TRAK2: variants seen among roughly 807,000 people sequenced by gnomAD.
TRAK2 encodes trafficking kinesin protein 2, also known as trafficking kinesin-binding protein 2.
Under a neutral mutation model 104.6 loss-of-function variants are expected in TRAK2, and 81 were observed. That is an observed-to-expected ratio of 0.77 (90% CI 0.65 to 0.93). The LOEUF (loss-of-function observed/expected upper bound fraction) is 0.93, where lower values mean the gene tolerates loss of function less well. Ranked by LOEUF, TRAK2 falls within the 40% of genes least tolerant of loss-of-function variation. TRAK2 has a pLI of 0.00. For missense variants in TRAK2, 1,002 were observed against 1,089.0 expected, an observed-to-expected ratio of 0.92 and a Z score of 1.12; for synonymous variants, 406 against 394.4, an observed-to-expected ratio of 1.03 and a Z score of -0.35.
intron 1 of TRAK2, among the ~76,000 whole-genome samples, chr2:201,446,376 C>T (rs1364807093): frequency 6.6e-6 from 1 of 152,202 alleles, no homozygotes; most frequent in Admixed American, 6.5e-5. Flanking sequence ...CAGCTCAATG[C>T]CACTTTTCCC....
rs1015386465 is a variant in TRAK2, at chr2:201,378,732, G to C, written c.*1811C>G. The C allele has an allele frequency of 1.3e-5, 2 of 152,170 alleles. No individual in the cohort carries two copies. Among genetic ancestry groups the C allele is most frequent in the East Asian group, 3.8e-4 (2 of 5,198 alleles). 9.4% of individuals were successfully genotyped at this position (152,170 alleles called of 1,614,324 possible). A position where few individuals can be genotyped will look rare whatever the true frequency, so the allele number is the denominator to read the frequency against. On this transcript the variant is annotated 3_prime_UTR_variant, in exon 16 of 16. Coordinates refer to ENST00000332624, the MANE Select transcript of TRAK2 (RefSeq NM_015049.3). ...GACCTCAGCACAACTGAGTGAAGGGGAACGAAAGGGAGAGACCATCTTCAC... is the reference window on the plus strand; with the variant it reads ...GACCTCAGCACAACTGAGTGAAGGGCAACGAAAGGGAGAGACCATCTTCAC...
At chr2:201,427,096 A>T (rs1013048448) in intron 1 of TRAK2, among the ~76,000 whole-genome samples, 1 of 152,202 alleles carries the variant, frequency 6.6e-6, no homozygotes, top group African/African-American at 2.4e-5. Flanking sequence ...TTGGTACCCA[A>T]CATACAGTAG....
intron 12 of TRAK2, 26 bp from the exon 13 acceptor site, chr2:201,388,027 T>C (rs757058308): frequency 3.1e-6 from 5 of 1,612,556 alleles, no homozygotes; most frequent in Middle Eastern, 1.7e-4. Context: ...GTTCACTGAT[T>C]AGATCTTGAG....
chr2:201,390,507 T>C (rs1024647464), intron 10 of TRAK2, among the ~76,000 whole-genome samples: 1 of 140,230 alleles, frequency 7.1e-6, no homozygotes, highest in Non-Finnish European at 1.5e-5. Context: ...GAGCTTTCAG[T>C]GAGCTGAGAT....
In TRAK2 at chr2:201,381,184, C is replaced by T. The variant is rs558396968; in HGVS notation, c.2104G>A (p.Gly702Ser). Residue 702 changes from glycine (G) to serine (S), a missense_variant, in exon 16 of 16, where the codon GGT (glycine) becomes AGT (serine). Coordinates refer to ENST00000332624, the MANE Select transcript of TRAK2 (RefSeq NM_015049.3). ...ACAGCCGTGTTGGATGAACTGCTAC[C>T]GCTACTTCCACAGGATAATGAAGGG... ...GFPSLSCGSS[G>S]SSSSNTAVNS... 76 of 1,612,140 alleles carry T rather than the reference C, an allele frequency of 4.7e-5. No homozygotes were observed. The East Asian group carries it at 1.0e-3, about 22-fold the overall frequency.
intron 2 of TRAK2, chr2:201,412,158 C>T: frequency 1.0e-5 from 10 of 978,274 alleles, no homozygotes; most frequent in South Asian, 6.4e-5. Flanking sequence ...CTGGGCAAAA[C>T]AAAAGGTACC....
intron 1 of TRAK2, among the ~76,000 whole-genome samples, chr2:201,438,954 G>A (rs569168964): frequency 2.0e-5 from 3 of 152,276 alleles, no homozygotes; most frequent in Admixed American, 6.5e-5. Flanking sequence ...TAATACAGAT[G>A]TATTACCATA....
chr2:201,399,573 G>A, intron 4 of TRAK2, 80 bp from the exon 5 acceptor site: 2 of 1,048,320 alleles, frequency 1.9e-6, no homozygotes, highest in South Asian at 1.4e-5. Flanking sequence ...GGTCAGTTTT[G>A]GTAAAATCAA....
chr2:201,383,613 C>G (rs1951362170), intron 15 of TRAK2, among the ~76,000 whole-genome samples: 1 of 152,156 alleles, frequency 6.6e-6, no homozygotes, highest in Non-Finnish European at 1.5e-5. Context: ...CTGCCCTATG[C>G]CTTTCTTCCT....
intron 2 of TRAK2, chr2:201,411,486 A>T: frequency 1.3e-6 from 1 of 744,554 alleles, no homozygotes; most frequent in South Asian, 1.3e-5. Flanking sequence ...TTGTTCTTGC[A>T]TTATATGAAG....
rs371799462 is a variant in TRAK2 at position 201,411,876 on chromosome 2, A to G, written c.92-4279T>C. 2.5e-5 allele frequency: 25 copies of G among 998,162 alleles called. 1 individual carries two copies. In the African/African-American group the frequency reaches 3.5e-4, roughly 14 times the overall value. The allele number at this position is 998,162 out of a possible 1,614,324, so 61.8% of individuals were successfully genotyped here. A position where few individuals can be genotyped will look rare whatever the true frequency, so the allele number is the denominator to read the frequency against. ...TCTTGGTATCAAAGTATGTTTCATG[A>G]TGGGTAGTCTATAAGATTTGCAAAG... On this transcript the variant is annotated intron_variant, in intron 2 of 15. Transcript: ENST00000332624.
At chr2:201,383,891 T>G (rs533083344) in intron 15 of TRAK2, among the ~76,000 whole-genome samples, 1 of 152,158 alleles carries the variant, frequency 6.6e-6, no homozygotes, top group African/African-American at 2.4e-5. Flanking sequence ...ACCTCAACCT[T>G]CCATGCCTCA....
chr2:201,428,478 T>C (rs1474951918), intron 1 of TRAK2, among the ~76,000 whole-genome samples: 1 of 152,222 alleles, frequency 6.6e-6, no homozygotes, highest in Non-Finnish European at 1.5e-5. Context: ...CAGATGGTTG[T>C]AGATGTGTGG....
intron 1 of TRAK2, among the ~76,000 whole-genome samples, chr2:201,436,333 T>C (rs1951879734): frequency 6.6e-6 from 1 of 152,182 alleles, no homozygotes; most frequent in Non-Finnish European, 1.5e-5. Flanking sequence ...AAATAAATCC[T>C]TCCTGAACAA....
chr2:201,380,798 C>T lies in TRAK2; in HGVS notation c.2490G>A (p.Leu830=). 6.2e-7 allele frequency: 1 copy of T among 1,614,158 alleles called. No individual in the cohort carries two copies. Among genetic ancestry groups the T allele is most frequent in the Non-Finnish European group, 8.5e-7 (1 of 1,180,010 alleles). ...PSRNPPDVGQ[L]KMNLVDRLKR... ...TCAGCCTGTCCACTAAGTTCATCTTCAACTGGCCAACATCAGGAGGGTTCC... is the reference window on the plus strand; with the variant it reads ...TCAGCCTGTCCACTAAGTTCATCTTTAACTGGCCAACATCAGGAGGGTTCC... Residue 830 remains leucine, a synonymous_variant, in exon 16 of 16, where the codon TTG becomes TTA. Transcript: ENST00000332624.
intron 1 of TRAK2, chr2:201,433,365 T>C (rs1951857524): frequency 6.6e-6 from 1 of 152,254 alleles, no homozygotes; most frequent in African/African-American, 2.4e-5. Context: ...AAATAGGATT[T>C]GTGACCAGCA....
At chr2:201,389,262 A>T in intron 12 of TRAK2, 38 bp downstream of exon 12, 1 of 1,588,736 alleles carries the variant, frequency 6.3e-7, no homozygotes, top group Non-Finnish European at 8.6e-7. Flanking sequence ...GGCAATGTGA[A>T]AAGAAATGCA....
intron 10 of TRAK2, among the ~76,000 whole-genome samples, chr2:201,391,920 T>C (rs1029546564): frequency 6.6e-6 from 1 of 152,176 alleles, no homozygotes; most frequent in Non-Finnish European, 1.5e-5. Context: ...TTGAAGGACA[T>C]TAGTGAGACA....
chr2:201,387,575 G>T (rs1951403043), intron 13 of TRAK2, 128 bp downstream of exon 13: 1 of 968,470 alleles, frequency 1.0e-6, no homozygotes, highest in Non-Finnish European at 1.5e-6. Context: ...CACCCAAACA[G>T]CAAGATTAAG....
Sources: allele counts gnomAD v4.1 joint callset (sites outside exome capture counted in the v4.1 genomes callset), GRCh38; gene constraint gnomAD v4.1.1; transcripts MANE v1.5; gene names NCBI Gene and HGNC (gene_info 2026-07-23, HGNC 2026-07-21).